The following SNX30 variants were observed in gnomAD, a reference collection of about 807,000 sequenced individuals.
SNX30 encodes the protein sorting nexin family member 30.
A neutral mutation model predicts 46.4 loss-of-function variants in SNX30; 24 were observed. That is an observed-to-expected ratio of 0.52 (90% CI 0.37 to 0.73). The LOEUF is 0.73. Among genes scored for constraint, SNX30 ranks in the 30% least tolerant of loss-of-function variants. The pLI is 0.00. For missense variants in SNX30, 533 were observed against 555.7 expected, an observed-to-expected ratio of 0.96 and a Z score of 0.41; for synonymous variants, 189 against 211.5, an observed-to-expected ratio of 0.89 and a Z score of 0.92.
intron 1 of SNX30, among the ~76,000 whole-genome samples, chr9:112,779,871 G>A (rs1328987289): frequency 2.6e-5 from 4 of 152,138 alleles, no homozygotes; most frequent in South Asian, 2.1e-4. Flanking sequence ...TACACGTGAC[G>A]AAATGGGAGC....
Position 112,870,689 on chromosome 9 carries a change from A to G in SNX30, c.*1846A>G, listed in dbSNP as rs2025544. On this transcript the variant is annotated 3_prime_UTR_variant, in exon 9 of 9. Coordinates refer to ENST00000374232, the MANE Select transcript of SNX30 (RefSeq NM_001012994.2). ...ATTCTACCTCTAAGCCATCGTGTTG[A>G]CGTGGGTATGGACGCCTGGGTCTGA... The G allele has an allele frequency of 0.94, 143,836 of 152,326 alleles. 67,980 individuals carry two copies. Among genetic ancestry groups the G allele is most frequent in the East Asian group, 1 (5,174 of 5,180 alleles). 9.4% of individuals were successfully genotyped at this position (152,326 alleles called of 1,614,324 possible). A position where few individuals can be genotyped will look rare whatever the true frequency, so the allele number is the denominator to read the frequency against.
At chr9:112,817,147 G>A (rs933790288) in intron 2 of SNX30, among the ~76,000 whole-genome samples, 4 of 152,044 alleles carry the variant, frequency 2.6e-5, no homozygotes, top group East Asian at 1.9e-4. Flanking sequence ...ATCTGCCCCC[G>A]AAATGAGCAG....
chr9:112,772,962 A>G (rs1217532361), intron 1 of SNX30, among the ~76,000 whole-genome samples: 1 of 152,246 alleles, frequency 6.6e-6, no homozygotes, highest in Non-Finnish European at 1.5e-5. Context: ...TGTTGCAGTA[A>G]ATGGGTCAAG....
At position 112,760,671 on chromosome 9, in the gene SNX30, C is replaced by T. The variant is rs1839420401; in HGVS notation, c.156+9514C>T. Among the ~76,000 whole-genome samples the T allele has an allele frequency of 5.3e-5, 8 of 152,264 alleles. No homozygotes were observed. The South Asian group carries it at 1.7e-3, about 32-fold the overall frequency. ...GCTGTGCCTGAAGTTAGAACGGGTTCCTGGTTATAGGGGGTCATAAATTCC... is the reference window on the plus strand; with the variant it reads ...GCTGTGCCTGAAGTTAGAACGGGTTTCTGGTTATAGGGGGTCATAAATTCC... On this transcript the variant is annotated intron_variant, in intron 1 of 8. Coordinates refer to ENST00000374232, the MANE Select transcript of SNX30 (RefSeq NM_001012994.2).
rs975405661 is a variant in SNX30 at position 112,807,165 on chromosome 9, A to G, written c.348+2198A>G. ...CTGCAACCTCCGCCCTCTGGGTTCAAGGGGATTCTCCTGCCTCAGCCTCCC... is the reference window on the plus strand; with the variant it reads ...CTGCAACCTCCGCCCTCTGGGTTCAGGGGGATTCTCCTGCCTCAGCCTCCC... On this transcript the variant is annotated intron_variant, in intron 2 of 8. Coordinates refer to ENST00000374232, the MANE Select transcript of SNX30 (RefSeq NM_001012994.2). Among the ~76,000 whole-genome samples, 9 of 143,040 alleles carry G rather than the reference A, an allele frequency of 6.3e-5. No homozygotes were observed. The South Asian group carries it at 1.3e-3, about 21-fold the overall frequency. 93.8% of individuals were successfully genotyped at this position (143,040 alleles called of 152,430 possible). A position where few individuals can be genotyped will look rare whatever the true frequency, so the allele number is the denominator to read the frequency against.
Position 112,850,820 on chromosome 9 carries a change from G to A in SNX30, c.1015-39G>A, listed in dbSNP as rs200566662. On this transcript the variant is annotated intron_variant, in intron 6 of 8. Coordinates refer to ENST00000374232, the MANE Select transcript of SNX30 (RefSeq NM_001012994.2). ...CCTGGGGGTGGGAGGCCCCTTTGTG[G>A]ACTCAGTGTTACATGCTTCTCTCCT... 340 of 1,519,086 alleles carry A rather than the reference G, an allele frequency of 2.2e-4. 3 individuals are homozygous for A. In the African/African-American group the frequency reaches 4.1e-3, roughly 18 times the overall value. The allele number at this position is 1,519,086 out of a possible 1,614,324, so 94.1% of individuals were successfully genotyped here. A position where few individuals can be genotyped will look rare whatever the true frequency, so the allele number is the denominator to read the frequency against.
In SNX30 at chr9:112,792,673, G is replaced by T. The variant is rs182737552; in HGVS notation, c.157-12103G>T. 3.0e-4 allele frequency among the ~76,000 whole-genome samples: 46 copies of T among 152,222 alleles called. No individual in the cohort carries two copies. In the East Asian group the frequency reaches 7.7e-3, roughly 26 times the overall value. On this transcript the variant is annotated intron_variant, in intron 1 of 8. Coordinates refer to ENST00000374232, the MANE Select transcript of SNX30 (RefSeq NM_001012994.2). Reference sequence around the variant, plus strand: ...GCTCCTGGGCTCAAGCAATCCACCTGCCTCGGTCTCCCAAAGTGCTGGGAT... The same window carrying T: ...GCTCCTGGGCTCAAGCAATCCACCTTCCTCGGTCTCCCAAAGTGCTGGGAT...
intron 1 of SNX30, among the ~76,000 whole-genome samples, chr9:112,754,614 C>T (rs1839321998): frequency 6.6e-6 from 1 of 152,080 alleles, no homozygotes; most frequent in African/African-American, 2.4e-5. Flanking sequence ...CCATGTTAGC[C>T]TGGCTGGTCT....
At chr9:112,864,450 A>G (rs769168018) in intron 8 of SNX30, 51 bp downstream of exon 8, 3 of 1,605,498 alleles carry the variant, frequency 1.9e-6, no homozygotes, top group Non-Finnish European at 2.6e-6. Context: ...AGCCTTTCAC[A>G]TGGGCCTACC....
intron 4 of SNX30, among the ~76,000 whole-genome samples, chr9:112,835,044 G>A (rs775736275): frequency 3.9e-5 from 6 of 152,152 alleles, no homozygotes; most frequent in South Asian, 2.1e-4. Flanking sequence ...CATGTTAGCC[G>A]CACATTCCAC....
At chr9:112,789,657 A>G (rs558358642) in intron 1 of SNX30, among the ~76,000 whole-genome samples, 2 of 152,320 alleles carry the variant, frequency 1.3e-5, no homozygotes, top group African/African-American at 2.4e-5. Context: ...CTTGGCTCCT[A>G]AGAATCATAA....
intron 4 of SNX30, among the ~76,000 whole-genome samples, chr9:112,833,768 C>T (rs1840706277): frequency 6.6e-6 from 1 of 152,170 alleles, no homozygotes; most frequent in African/African-American, 2.4e-5. Context: ...GAGGTAATTC[C>T]AAGAACTCTG....
intron 7 of SNX30, among the ~76,000 whole-genome samples, chr9:112,854,750 C>T (rs1290945418): frequency 6.6e-6 from 1 of 152,192 alleles, no homozygotes; most frequent in Admixed American, 6.5e-5. Context: ...AAGTCCAGCA[C>T]GGTTGGAGCA....
intron 3 of SNX30, among the ~76,000 whole-genome samples, chr9:112,829,097 TG>T (rs1438501233): frequency 6.6e-6 from 1 of 152,230 alleles, no homozygotes; most frequent in Non-Finnish European, 1.5e-5. Flanking sequence ...TTAGTTTTTA[TG>T]ACAAACTATT....
intron 1 of SNX30, among the ~76,000 whole-genome samples, chr9:112,763,847 A>G (rs1351571022): frequency 9.7e-6 from 1 of 102,954 alleles, no homozygotes; most frequent in Non-Finnish European, 2.0e-5. Flanking sequence ...GACTCTGACT[A>G]AAAAAAAAAA....
At chr9:112,752,572 T>G (rs1373826917) in intron 1 of SNX30, among the ~76,000 whole-genome samples, 7 of 152,206 alleles carry the variant, frequency 4.6e-5, no homozygotes, top group African/African-American at 1.4e-4. Flanking sequence ...ACCGCTGTAC[T>G]CCAGCCTGGG....
At chr9:112,804,042 T>C (rs1338018020) in intron 1 of SNX30, among the ~76,000 whole-genome samples, 1 of 146,224 alleles carries the variant, frequency 6.8e-6, no homozygotes, top group East Asian at 2.0e-4. Flanking sequence ...TGTCTGGCAC[T>C]CCCTAGTGAG....
chr9:112,838,623 G>A lies in SNX30; in HGVS notation c.940G>A (p.Glu314Lys), dbSNP rs1840806479. The change falls in exon 6 of 9, where the codon GAG becomes AAG. Residue 314 changes from glutamate to lysine, a missense_variant. By Grantham distance (56) the Glu-to-Lys change is moderately conservative. This residue lies in a region of SNX30 where 261 missense variants were observed against 270.9 expected (regional missense o/e 0.96). Transcript: ENST00000374232. The stretch of plus-strand genomic sequence containing the variant: ...TGGGAACTGCTCTACAGCCTTAGAA[G>A]AGCTGACAGATGACATGACAGAAGA... ...CIGNCSTALE[E>K]LTDDMTEDFL... 1 of 1,614,204 alleles carries A rather than the reference G, an allele frequency of 6.2e-7. No individual in the cohort carries two copies. Among genetic ancestry groups the A allele is most frequent in the Non-Finnish European group, 8.5e-7 (1 of 1,180,028 alleles).
intron 2 of SNX30, among the ~76,000 whole-genome samples, chr9:112,808,570 A>G (rs551596355): frequency 1.3e-5 from 2 of 152,172 alleles, no homozygotes; most frequent in Non-Finnish European, 2.9e-5. Context: ...TTGCAGTTGA[A>G]ACCCTTTTAT....
Sources: allele counts gnomAD v4.1 joint callset (sites outside exome capture counted in the v4.1 genomes callset), GRCh38; gene constraint gnomAD v4.1.1; regional missense constraint gnomAD v4.1.1; transcripts MANE v1.5; gene names NCBI Gene and HGNC (gene_info 2026-07-23, HGNC 2026-07-21).